Variants in TRPM7 observed in about 807,000 individuals in gnomAD.
TRPM7 encodes the protein transient receptor potential cation channel subfamily M member 7.
Under a neutral mutation model 229.7 loss-of-function variants are expected in TRPM7, and 134 were observed. The observed-to-expected ratio is 0.58, with a 90% CI of 0.51 to 0.67. The LOEUF (loss-of-function observed/expected upper bound fraction) is 0.67, where lower values mean the gene tolerates loss of function less well. Among genes scored for constraint, TRPM7 ranks in the 30% least tolerant of loss-of-function variants. The pLI is 0.00. For missense variants in TRPM7, 1,901 were observed against 2,210.0 expected (o/e 0.86, Z 2.80); for synonymous variants, 699 against 715.2 (o/e 0.98, Z 0.36).
intron 26 of TRPM7, among the ~76,000 whole-genome samples, chr15:50,591,445 T>C (rs1412848415): frequency 2.0e-5 from 3 of 151,916 alleles, no homozygotes; most frequent in Non-Finnish European, 4.4e-5. Flanking sequence ...TGTGCCAATA[T>C]AACTCTTATA....
chr15:50,662,834 T>C (rs2140920736), intron 2 of TRPM7, 133 bp downstream of exon 2: 1 of 718,078 alleles, frequency 1.4e-6, no homozygotes, highest in South Asian at 1.7e-5. Flanking sequence ...AATTAAATGA[T>C]TAACAGTAAT....
chr15:50,639,642 C>G (rs887149667), intron 5 of TRPM7, 94 bp from the exon 6 acceptor site: 2 of 1,165,296 alleles, frequency 1.7e-6, no homozygotes, highest in African/African-American at 3.1e-5. Context: ...TGACAGCTCA[C>G]TGCAGCCTCA....
chr15:50,592,672 G>A, intron 25 of TRPM7, 46 bp from the exon 26 acceptor site: 1 of 1,316,660 alleles, frequency 7.6e-7, no homozygotes, highest in Non-Finnish European at 1.0e-6. Flanking sequence ...AAAAAATAAT[G>A]TAGAATTTTA....
At chr15:50,654,481 A>C (rs917027129) in intron 3 of TRPM7, among the ~76,000 whole-genome samples, 1 of 151,156 alleles carries the variant, frequency 6.6e-6, no homozygotes, top group African/African-American at 2.4e-5. Context: ...TATAAAAAAG[A>C]TGAAGGAAAA....
intron 29 of TRPM7, chr15:50,582,324 T>C (rs769549437): frequency 2.0e-5 from 3 of 152,172 alleles, no homozygotes; most frequent in Non-Finnish European, 4.4e-5. Context: ...AGTATCTCCT[T>C]CTTTTCTCAT....
intron 4 of TRPM7, 56 bp from the exon 5 acceptor site, chr15:50,643,609 T>C (rs1401384304): frequency 8.1e-6 from 12 of 1,484,926 alleles, no homozygotes; most frequent in Admixed American, 1.8e-5. Context: ...GGTTTCATAA[T>C]GTGACATTAT....
intron 6 of TRPM7, 134 bp downstream of exon 6, chr15:50,639,290 C>A (rs918671047): frequency 6.0e-6 from 4 of 668,636 alleles, no homozygotes; most frequent in Non-Finnish European, 8.3e-6. Flanking sequence ...CAGAAGTAAA[C>A]CTCAGGAAAA....
chr15:50,676,119 A>G (rs1312814690), intron 1 of TRPM7, among the ~76,000 whole-genome samples: 1 of 152,168 alleles, frequency 6.6e-6, no homozygotes, highest in Non-Finnish European at 1.5e-5. Context: ...CTTAAATTAT[A>G]AATTCTTACA....
chr15:50,676,086 T>C (rs991461533), intron 1 of TRPM7, among the ~76,000 whole-genome samples: 7 of 152,344 alleles, frequency 4.6e-5, no homozygotes, highest in East Asian at 1.9e-4. Flanking sequence ...ATTTCAACTA[T>C]GATGGTGATC....
chr15:50,680,906 T>C (rs910014620), intron 1 of TRPM7, among the ~76,000 whole-genome samples: 1 of 152,168 alleles, frequency 6.6e-6, no homozygotes, highest in Non-Finnish European at 1.5e-5. Context: ...GCTCTTTATA[T>C]ATAAATAATG....
intron 7 of TRPM7, among the ~76,000 whole-genome samples, chr15:50,635,318 TAAAAAAAAAAAAA>T (rs71124393): frequency 7.0e-5 from 3 of 42,944 alleles, no homozygotes; most frequent in African/African-American, 2.8e-4. Context: ...CTCCCTCACA[TAAAAAAAAAAAAA>T]AAAAAAAAAA....
At chr15:50,667,250 C>T (rs572993204) in intron 1 of TRPM7, among the ~76,000 whole-genome samples, 19 of 152,258 alleles carry the variant, frequency 1.2e-4, no homozygotes, top group African/African-American at 3.6e-4. Context: ...AGAAACTGAA[C>T]GCTTTCCTCG....
intron 21 of TRPM7, among the ~76,000 whole-genome samples, chr15:50,602,371 C>T (rs988643752): frequency 4.5e-4 from 69 of 151,948 alleles, no homozygotes; most frequent in African/African-American, 1.4e-3. Flanking sequence ...CATCATACAC[C>T]GGGGCCTGTC....
Position 50,607,259 on chromosome 15 carries a change from C to A in TRPM7, c.2650G>T (p.Val884Phe). The change falls in exon 20 of 39, where the codon GTT becomes TTT. Residue 884 changes from valine to phenylalanine, a missense_variant. Transcript: ENST00000646667. The part of the protein sequence containing the change: ...VLVQMEQLPS[V>F]QEWIVIAYIF... ...TAAGCAATAACAATCCATTCTTGAA[C>A]TGAAGGTAACTGTTCCATTTGTACA... The A allele has an allele frequency of 6.2e-7, 1 of 1,609,360 alleles. No homozygotes were observed. The highest frequency in any genetic ancestry group is 8.5e-7 in the Non-Finnish European group (1 of 1,177,470).
chr15:50,632,917 T>G lies in TRPM7; in HGVS notation c.1083A>C (p.Ala361=), dbSNP rs776495102. The G allele has an allele frequency of 6.3e-7, 1 of 1,599,912 alleles. No individual in the cohort carries two copies. The highest frequency in any genetic ancestry group is 1.1e-5 in the South Asian group (1 of 88,840). ...CCATCAGTGTTTGAAATAAATGAAG[T>G]GCTTCATTCTGGCCAAAGTTAAATG... ...KKTFNFGQNE[A]LHLFQTLMEC... Residue 361 remains alanine, a synonymous_variant, in exon 9 of 39, where the codon GCA becomes GCC. Coordinates refer to ENST00000646667, the MANE Select transcript of TRPM7 (RefSeq NM_017672.6).
At chr15:50,622,298 T>G (rs2060431455) in intron 12 of TRPM7, among the ~76,000 whole-genome samples, 1 of 152,204 alleles carries the variant, frequency 6.6e-6, no homozygotes, top group East Asian at 1.9e-4. Flanking sequence ...ATCAAAAAGT[T>G]TGAGAACTAC....
At chr15:50,640,486 A>G (rs2061069014) in intron 5 of TRPM7, among the ~76,000 whole-genome samples, 1 of 137,728 alleles carries the variant, frequency 7.3e-6, no homozygotes, top group South Asian at 2.3e-4. Flanking sequence ...GTGTCTTACC[A>G]TGTTGCCCAG....
intron 3 of TRPM7, among the ~76,000 whole-genome samples, chr15:50,651,664 G>A (rs11632543): frequency 0.54 from 81,758 of 151,726 alleles, 22,231 homozygotes; most frequent in Admixed American, 0.62. Flanking sequence ...TTAAAGAAAA[G>A]AAGACTGTGG....
intron 20 of TRPM7, among the ~76,000 whole-genome samples, chr15:50,605,714 G>A (rs2140439206): frequency 6.6e-6 from 1 of 152,268 alleles, no homozygotes; most frequent in South Asian, 2.1e-4. Flanking sequence ...CCCACTAGAA[G>A]CAACCACTAC....
Sources: allele counts gnomAD v4.1 joint callset (sites outside exome capture counted in the v4.1 genomes callset), GRCh38; gene constraint gnomAD v4.1.1; transcripts MANE v1.5; gene names NCBI Gene and HGNC (gene_info 2026-07-23, HGNC 2026-07-21).